HIPK1: variants seen among roughly 807,000 people sequenced by gnomAD.
The protein encoded by HIPK1 is homeodomain-interacting protein kinase 1.
HIPK1 carries 28 observed loss-of-function variants against 117.1 expected under a neutral mutation model. The observed-to-expected ratio is 0.24, with a 90% CI of 0.18 to 0.33. The LOEUF is 0.33. Ranked by LOEUF, HIPK1 falls within the 10% of genes least tolerant of loss-of-function variation. The pLI is 1.00. For missense variants in HIPK1, 1,122 were observed against 1,475.1 expected (o/e 0.76, Z 3.92); for synonymous variants, 605 against 562.5 (o/e 1.08, Z -1.07).
intron 11 of HIPK1, 132 bp downstream of exon 11, chr1:113,966,404 A>G (rs1672449595): frequency 1.3e-5 from 10 of 740,838 alleles, no homozygotes; most frequent in South Asian, 2.6e-5. Flanking sequence ...TTAAGAACCC[A>G]TATCAGGCTA....
rs763517886 is a variant in HIPK1 at position 113,963,407 on chromosome 1, G to A, written c.2124G>A (p.Met708Ile). 3 of 1,614,154 alleles carry A rather than the reference G, an allele frequency of 1.9e-6. No homozygotes were observed. Among genetic ancestry groups the A allele is most frequent in the South Asian group, 1.1e-5 (1 of 91,082 alleles). ...TTCAGGGAAGCTGTACACCACTAAT[G>A]GTAGCAACTCTCCACCCTCAAGTAG... is the stretch of plus-strand genomic sequence containing the variant. ...VLTQGSCTPL[M>I]VATLHPQVAT... Residue 708 changes from methionine (M) to isoleucine (I), a missense_variant, in exon 10 of 16, where the codon ATG becomes ATA. Physicochemically the swap from Met to Ile is conservative, Grantham distance 10 (BLOSUM62 1). Coordinates refer to ENST00000426820, the MANE Select transcript of HIPK1 (RefSeq NM_198268.3).
intron 1 of HIPK1, among the ~76,000 whole-genome samples, chr1:113,934,467 A>G (rs1558122965): frequency 6.6e-6 from 1 of 152,162 alleles, no homozygotes; most frequent in Admixed American, 6.5e-5. Flanking sequence ...GATTCTAGCT[A>G]TTATCTTTTA....
chr1:113,967,792 A>T lies in HIPK1; in HGVS notation c.2408A>T (p.Tyr803Phe). The change falls in exon 12 of 16, where the codon TAC becomes TTC. Residue 803 changes from tyrosine to phenylalanine, a missense_variant. Physicochemically the swap from Tyr to Phe is conservative, Grantham distance 22 (BLOSUM62 3). Coordinates refer to ENST00000426820, the MANE Select transcript of HIPK1 (RefSeq NM_198268.3). ...AATGCCCACTCTCATGGCAACCAGT[A>T]CAGCACTATCATGCAGCAGCCATCC... ...WRNAHSHGNQ[Y>F]STIMQQPSLL... The T allele has an allele frequency of 1.3e-6, 2 of 1,596,556 alleles. No individual in the cohort carries two copies. The highest frequency in any genetic ancestry group is 1.7e-6 in the Non-Finnish European group (2 of 1,173,892).
intron 11 of HIPK1, among the ~76,000 whole-genome samples, chr1:113,966,685 A>C (rs1405609405): frequency 1.3e-5 from 2 of 152,178 alleles, no homozygotes; most frequent in Admixed American, 1.3e-4. Flanking sequence ...TGAAATAAGC[A>C]CATCATGGAA....
rs760006997 is a variant in HIPK1, at chr1:113,970,210, T to A, written c.3013+13T>A. On this transcript the variant is annotated intron_variant, in intron 14 of 15. Transcript: ENST00000426820. Reference sequence around the variant, plus strand: ...ACCCAGGCCTCAGGTCAGTGTTATCTTCACAGCTTGAGTTGAATTCTCCTT... The same window carrying A: ...ACCCAGGCCTCAGGTCAGTGTTATCATCACAGCTTGAGTTGAATTCTCCTT... 6.2e-7 allele frequency: 1 copy of A among 1,613,114 alleles called. No individual in the cohort carries two copies. The highest frequency in any genetic ancestry group is 1.1e-5 in the South Asian group (1 of 91,068).
chr1:113,971,063 C>T (rs1672794063), intron 14 of HIPK1, among the ~76,000 whole-genome samples: 1 of 152,172 alleles, frequency 6.6e-6, no homozygotes, highest in Non-Finnish European at 1.5e-5. Flanking sequence ...CTGGGCCATA[C>T]TTGTATAAAT....
chr1:113,969,092 G>C (rs1672653891), intron 13 of HIPK1, among the ~76,000 whole-genome samples: 1 of 151,990 alleles, frequency 6.6e-6, no homozygotes, highest in Non-Finnish European at 1.5e-5. Context: ...TGGGGCTTTT[G>C]GTGTTGGGCA....
At chr1:113,965,904 C>T (rs1672411716) in intron 10 of HIPK1, among the ~76,000 whole-genome samples, 3 of 152,024 alleles carry the variant, frequency 2.0e-5, no homozygotes, top group South Asian at 2.1e-4. Context: ...CTTTAATACC[C>T]GGGTGGTCAG....
In HIPK1 at chr1:113,956,682, G is replaced by A. The variant is rs770493360; in HGVS notation, c.1463G>A (p.Arg488Gln). ...GTDMLAEKAD[R>Q]REYIDLLKKM... ...GACATGTTGGCAGAGAAGGCAGACCGAAGAGAATACATTGATCTGTTAAAG... is the reference window on the plus strand; with the variant it reads ...GACATGTTGGCAGAGAAGGCAGACCAAAGAGAATACATTGATCTGTTAAAG... The change falls in exon 6 of 16, where the codon CGA (arginine) becomes CAA (glutamine). Residue 488 changes from arginine to glutamine, a missense_variant. Around this residue, in one of 6 missense-constraint regions of HIPK1, gnomAD observed 127 missense variants for 197.9 expected, o/e 0.64. Coordinates refer to ENST00000426820, the MANE Select transcript of HIPK1 (RefSeq NM_198268.3). 9.3e-6 allele frequency: 15 copies of A among 1,613,904 alleles called. No homozygotes were observed. The highest frequency in any genetic ancestry group is 4.4e-5 in the South Asian group (4 of 91,080).
At position 113,969,937 on chromosome 1, in the gene HIPK1, G is replaced by A. The variant is rs1239781612; in HGVS notation, c.2772-19G>A. On this transcript the variant is annotated intron_variant, in intron 13 of 15. Transcript: ENST00000426820. Reference sequence around the variant, plus strand: ...CAAAAAAGAACAATTCAATTTTCATGTATTTTTCTTTTCCTCAGCTCTGGA... The same window carrying A: ...CAAAAAAGAACAATTCAATTTTCATATATTTTTCTTTTCCTCAGCTCTGGA... 6.2e-7 allele frequency: 1 copy of A among 1,613,168 alleles called. No individual in the cohort carries two copies. Among genetic ancestry groups the A allele is most frequent in the Non-Finnish European group, 8.5e-7 (1 of 1,179,282 alleles).
At position 113,957,161 on chromosome 1, in the gene HIPK1, C is replaced by T. The variant is rs762593832; in HGVS notation, c.1630C>T (p.Arg544Trp). The change falls in exon 7 of 16, where the codon CGG (arginine) becomes TGG (tryptophan). Residue 544 changes from arginine (R) to tryptophan (W), a missense_variant. This residue lies in a region of HIPK1 where 731 missense variants were observed against 860.4 expected (regional missense o/e 0.85). Transcript: ENST00000426820. ...SCFQNMEICK[R>W]RVHMYDTVSQ... Reference sequence around the variant, plus strand: ...TTTTCAGAACATGGAGATCTGCAAGCGGAGGGTTCACATGTATGATACAGT... The same window carrying T: ...TTTTCAGAACATGGAGATCTGCAAGTGGAGGGTTCACATGTATGATACAGT... 45 of 1,613,360 alleles carry T rather than the reference C, an allele frequency of 2.8e-5. No individual in the cohort carries two copies. Among genetic ancestry groups the T allele is most frequent in the Non-Finnish European group, 3.4e-5 (40 of 1,179,526 alleles).
chr1:113,962,404 A>G lies in HIPK1; in HGVS notation c.2069A>G (p.Gln690Arg), dbSNP rs201294912. 3.7e-6 allele frequency: 6 copies of G among 1,614,040 alleles called. No homozygotes were observed. In the Admixed American group the frequency reaches 1.0e-4, roughly 27 times the overall value. ...VPIVPQAPAA[Q>R]PLQIQSGVLT... Reference sequence around the variant, plus strand: ...ATTGTACCCCAGGCACCAGCTGCTCAGCCACTACAGATTCAGTCAGGAGTT... The same window carrying G: ...ATTGTACCCCAGGCACCAGCTGCTCGGCCACTACAGATTCAGTCAGGAGTT... The change falls in exon 9 of 16, where the codon CAG (glutamine) becomes CGG (arginine). Residue 690 changes from glutamine to arginine, a missense_variant. This residue lies in a region of HIPK1 where 731 missense variants were observed against 860.4 expected (regional missense o/e 0.85). Coordinates refer to ENST00000426820, the MANE Select transcript of HIPK1 (RefSeq NM_198268.3).
In HIPK1 at chr1:113,929,469, C is replaced by G. The variant is rs1234353953; in HGVS notation, c.-66C>G. On this transcript the variant is annotated 5_prime_UTR_variant, in exon 1 of 16. Coordinates refer to ENST00000426820, the MANE Select transcript of HIPK1 (RefSeq NM_198268.3). The stretch of plus-strand genomic sequence containing the variant: ...GGCCCACCTACTCGAGGCCCACCGA[C>G]TCCTACTGCAATCAGTACTATGCGA... The G allele has an allele frequency of 7.8e-7, 1 of 1,289,456 alleles. No individual in the cohort carries two copies. The highest frequency in any genetic ancestry group is 2.3e-5 in the Admixed American group (1 of 43,574). 79.9% of individuals were successfully genotyped at this position (1,289,456 alleles called of 1,614,324 possible).
rs1017008406 is a variant in HIPK1 at position 113,945,973 on chromosome 1, T to C, written c.1076+4514T>C. On this transcript the variant is annotated intron_variant, in intron 2 of 15. Transcript: ENST00000426820. ...TTAATAGTAAGTCAGTCCATCCTTATTTCTTTATATCTTTTCACAGTTTTA... is the reference window on the plus strand; with the variant it reads ...TTAATAGTAAGTCAGTCCATCCTTACTTCTTTATATCTTTTCACAGTTTTA... 7.2e-5 allele frequency among the ~76,000 whole-genome samples: 11 copies of C among 152,194 alleles called. 1 individual carries two copies. The highest frequency in any genetic ancestry group is 2.7e-4 in the African/African-American group (11 of 41,444).
Position 113,941,794 on chromosome 1 carries a change from C to CTA in HIPK1, c.1076+336_1076+337insAT, listed in dbSNP as rs1413349676. Among the ~76,000 whole-genome samples the CTA allele has an allele frequency of 6.6e-6, 1 of 152,098 alleles. No individual in the cohort carries two copies. Among genetic ancestry groups the CTA allele is most frequent in the Admixed American group, 6.6e-5 (1 of 15,256 alleles). On this transcript the variant is annotated intron_variant, in intron 2 of 15. Transcript: ENST00000426820. This position sits in a 1 kb window ranked among gnomAD's most constrained non-coding sequence, Gnocchi z 4.9. ...ATTTATTTAGAGACAGAATCTCGCT[C>CTA]TGTCGCCCAGGCTGGAGTGCAGTGG...
At chr1:113,972,965 T>A (rs1672935980) in intron 15 of HIPK1, 59 bp from the exon 16 acceptor site, 1 of 1,498,316 alleles carries the variant, frequency 6.7e-7, no homozygotes, top group African/African-American at 1.4e-5. Flanking sequence ...TAACTTGGCC[T>A]TTGGTGCCCT....
At chr1:113,934,502 C>CTT (rs1670122791) in intron 1 of HIPK1, among the ~76,000 whole-genome samples, 1 of 152,114 alleles carries the variant, frequency 6.6e-6, no homozygotes, top group African/African-American at 2.4e-5. Flanking sequence ...TACCAATGAT[C>CTT]TTTTGCCCAT....
chr1:113,934,850 C>A (rs984521549), intron 1 of HIPK1, among the ~76,000 whole-genome samples: 1 of 147,706 alleles, frequency 6.8e-6, no homozygotes, highest in Non-Finnish European at 1.5e-5. Context: ...ATTAGCCAAG[C>A]GTCCTGGTGT....
chr1:113,938,099 G>A (rs1215941739), intron 1 of HIPK1, among the ~76,000 whole-genome samples: 1 of 151,596 alleles, frequency 6.6e-6, no homozygotes, highest in Non-Finnish European at 1.5e-5. Context: ...TGAGTAGCTG[G>A]GACCACAGGC....
Sources: gnomAD v4.1 joint callset for allele counts (sites outside exome capture counted in the v4.1 genomes callset) on GRCh38, gnomAD v4.1.1 for gene constraint, gnomAD v4.1.1 regional missense constraint, Gnocchi (gnomAD v3.1) non-coding constraint, MANE v1.5 for transcripts, NCBI Gene and HGNC (gene_info 2026-07-23, HGNC 2026-07-21) for gene names.